Variants in TBC1D2B observed in about 807,000 individuals in gnomAD.
The protein encoded by TBC1D2B is TBC1 domain family member 2B, also known as TBC1 domain family, member 2B.
A neutral mutation model predicts 100.8 loss-of-function variants in TBC1D2B; 64 were observed. The observed-to-expected ratio is 0.64, with a 90% CI of 0.52 to 0.78. The LOEUF is 0.78. Ranked by LOEUF, TBC1D2B falls within the 30% of genes least tolerant of loss-of-function variation. The probability of loss-of-function intolerance (pLI) is 0.00; values close to 1 mark genes in which losing one functional copy is unlikely to be tolerated. For synonymous variants in TBC1D2B, 480 were observed against 479.7 expected, an observed-to-expected ratio of 1.00 and a Z score of -0.01; for missense variants, 1,052 against 1,218.4, an observed-to-expected ratio of 0.86 and a Z score of 2.03.
chr15:78,063,742 A>G (rs1392036841), intron 1 of TBC1D2B, among the ~76,000 whole-genome samples: 1 of 152,210 alleles, frequency 6.6e-6, no homozygotes, highest in Non-Finnish European at 1.5e-5. Context: ...TGGAGAGGAC[A>G]GAAACTTCTC....
chr15:78,009,227 C>T (rs1365029656), intron 9 of TBC1D2B, 113 bp from the exon 10 acceptor site: 1 of 692,118 alleles, frequency 1.4e-6, no homozygotes, highest in Non-Finnish European at 2.5e-6. Flanking sequence ...AAAATTATTT[C>T]TAGTTCTCCA....
At chr15:78,029,935 G>T in intron 4 of TBC1D2B, 72 bp downstream of exon 4, 1 of 1,269,738 alleles carries the variant, frequency 7.9e-7, no homozygotes, top group Middle Eastern at 2.0e-4. Flanking sequence ...TGCTAATAAT[G>T]TGTCTCCACA....
At chr15:78,077,237 G>T (rs977632020) in intron 1 of TBC1D2B, 56 bp downstream of exon 1, 2 of 1,403,442 alleles carry the variant, frequency 1.4e-6, no homozygotes, top group African/African-American at 1.5e-5. Flanking sequence ...AGCCAGTGGC[G>T]GAGGCAGGGG....
rs113518553 is a variant in TBC1D2B, at chr15:78,077,617, G to A, written c.36C>T (p.Gly12=). 9.8e-7 allele frequency: 1 copy of A among 1,021,880 alleles called. No individual in the cohort carries two copies. The highest frequency in any genetic ancestry group is 1.2e-6 in the Non-Finnish European group (1 of 857,200). The allele number at this position is 1,021,880 out of a possible 1,614,324, so 63.3% of individuals were successfully genotyped here. The change falls in exon 1 of 13, where the codon GGC becomes GGT. Residue 12 remains glycine (G), a synonymous_variant. Transcript: ENST00000300584. ...CCTGCGCCGCGCCCTCGCCGCCGCC[G>A]CCGCCCTCCTCCGCCCGGGCTCCGG... ...PGAGARAEEG[G]GGGEGAAQGA...
At chr15:78,039,968 A>G (rs2073037107) in intron 3 of TBC1D2B, among the ~76,000 whole-genome samples, 1 of 152,242 alleles carries the variant, frequency 6.6e-6, no homozygotes, top group Non-Finnish European at 1.5e-5. Context: ...CATCAGGCCC[A>G]GCCTAGCACC....
chr15:77,998,172 C>T lies in TBC1D2B; in HGVS notation c.2880G>A (p.Glu960=). ...ATCCCGAGCCCACTCAGGTATCCTCCTCCTCGTCACTGACCAGCTCACCCT... is the reference window on the plus strand; with the variant it reads ...ATCCCGAGCCCACTCAGGTATCCTCTTCCTCGTCACTGACCAGCTCACCCT... ...PDKGELVSDE[E]EDT The change falls in exon 13 of 13, where the codon GAG becomes GAA. Residue 960 remains glutamate (E), a synonymous_variant. Coordinates refer to ENST00000300584, the MANE Select transcript of TBC1D2B (RefSeq NM_144572.2). 6.5e-7 allele frequency: 1 copy of T among 1,539,672 alleles called. No homozygotes were observed. The highest frequency in any genetic ancestry group is 8.8e-7 in the Non-Finnish European group (1 of 1,139,952).
At chr15:78,034,826 A>G (rs528035161) in intron 3 of TBC1D2B, 2 of 804,656 alleles carry the variant, frequency 2.5e-6, no homozygotes, top group South Asian at 1.1e-4. Context: ...TTTTGCTCTT[A>G]TGTGGCAAAA....
chr15:78,012,937 G>A lies in TBC1D2B; in HGVS notation c.2156C>T (p.Pro719Leu). The A allele has an allele frequency of 6.4e-7, 1 of 1,557,170 alleles. No individual in the cohort carries two copies. The highest frequency in any genetic ancestry group is 8.7e-7 in the Non-Finnish European group (1 of 1,149,088). ...GGGGCAGGAGTAATGTTTGTTGTTG[G>A]GCAGAGTTCGCAGCAAGTCCAGCTC... ...QIELDLLRTL[P>L]NNKHYSCPTS... is the part of the protein sequence containing the mutation. Residue 719 changes from proline to leucine, a missense_variant, in exon 9 of 13, where the codon CCC becomes CTC. Physicochemically the swap from Pro to Leu is moderately conservative, Grantham distance 98. Transcript: ENST00000300584.
intron 4 of TBC1D2B, among the ~76,000 whole-genome samples, chr15:78,027,885 C>A (rs950364058): frequency 1.2e-4 from 18 of 152,278 alleles, no homozygotes; most frequent in African/African-American, 3.8e-4. Flanking sequence ...TTAGGTAATT[C>A]AGCACATTCA....
At chr15:78,054,868 C>T (rs917627052) in intron 1 of TBC1D2B, among the ~76,000 whole-genome samples, 2 of 152,090 alleles carry the variant, frequency 1.3e-5, no homozygotes, top group Non-Finnish European at 2.9e-5. Flanking sequence ...AACATATTCA[C>T]ACAAAGACCT....
chr15:78,015,242 A>C (rs1210334357), intron 8 of TBC1D2B, among the ~76,000 whole-genome samples: 1 of 152,086 alleles, frequency 6.6e-6, no homozygotes, highest in East Asian at 1.9e-4. Flanking sequence ...AAAATAAAAT[A>C]AAATATTCCA....
chr15:78,059,347 T>C (rs2141821618), intron 1 of TBC1D2B, among the ~76,000 whole-genome samples: 1 of 152,366 alleles, frequency 6.6e-6, no homozygotes, highest in African/African-American at 2.4e-5. Flanking sequence ...TGTTCAATTG[T>C]TGCTACTTCC....
At chr15:78,059,226 T>TA (rs999878073) in intron 1 of TBC1D2B, among the ~76,000 whole-genome samples, 3 of 152,358 alleles carry the variant, frequency 2.0e-5, no homozygotes, top group African/African-American at 7.2e-5. Flanking sequence ...TGTTCCTCAC[T>TA]AACCCAAGTT....
At position 77,996,958 on chromosome 15, in the gene TBC1D2B, CCT is replaced by C. The variant is rs1180061395; in HGVS notation, c.*1200_*1201del. ...TCTCCCCAGCCTTCAGAAAGGCAGT[CCT>C]CTGAGTTCCCAGAAACTGCTGTGTC... is the stretch of plus-strand genomic sequence containing the variant. On this transcript the variant is annotated 3_prime_UTR_variant, in exon 13 of 13. Coordinates refer to ENST00000300584, the MANE Select transcript of TBC1D2B (RefSeq NM_144572.2). 2.0e-5 allele frequency: 3 copies of C among 152,270 alleles called. No homozygotes were observed. Among genetic ancestry groups the C allele is most frequent in the Non-Finnish European group, 4.4e-5 (3 of 68,066 alleles). 9.4% of individuals were successfully genotyped at this position (152,270 alleles called of 1,614,324 possible).
intron 11 of TBC1D2B, 58 bp downstream of exon 11, chr15:78,003,247 C>T (rs765436769): frequency 1.4e-5 from 21 of 1,531,340 alleles, no homozygotes; most frequent in Middle Eastern, 1.7e-4. Context: ...CCGCCACCAA[C>T]GCTGCTGACG....
chr15:78,011,644 G>GT lies in TBC1D2B; in HGVS notation c.2270+1178_2270+1179insA, dbSNP rs773624522. ...TGCCACCATGCCCAGCTAATTTTTT[G>GT]GTTTTTTTTTTTTTTTTTTTTTTAG... On this transcript the variant is annotated intron_variant, in intron 9 of 12. Transcript: ENST00000300584. Among the ~76,000 whole-genome samples the GT allele has an allele frequency of 1.9e-4, 24 of 127,534 alleles. 1 individual carries two copies. The highest frequency in any genetic ancestry group is 3.9e-4 in the African/African-American group (13 of 33,176). The allele number at this position is 127,534 out of a possible 152,430, so 83.7% of individuals were successfully genotyped here. A position where few individuals can be genotyped will look rare whatever the true frequency, so the allele number is the denominator to read the frequency against.
At chr15:78,053,492 G>T (rs1208085635) in intron 2 of TBC1D2B, among the ~76,000 whole-genome samples, 1 of 152,172 alleles carries the variant, frequency 6.6e-6, no homozygotes, top group Non-Finnish European at 1.5e-5. Flanking sequence ...TTGTTGTTCT[G>T]TTCTTTCTAG....
At chr15:78,057,668 C>G (rs2073455307) in intron 1 of TBC1D2B, among the ~76,000 whole-genome samples, 1 of 152,112 alleles carries the variant, frequency 6.6e-6, no homozygotes, top group Non-Finnish European at 1.5e-5. Flanking sequence ...ATCTAGAGAT[C>G]ACTAGAAGAC....
Position 78,012,818 on chromosome 15 carries a change from C to A in TBC1D2B, c.2270+5G>T. 1.3e-6 allele frequency: 2 copies of A among 1,494,756 alleles called. No homozygotes were observed. Among genetic ancestry groups the A allele is most frequent in the Non-Finnish European group, 1.8e-6 (2 of 1,122,422 alleles). 92.6% of individuals were successfully genotyped at this position (1,494,756 alleles called of 1,614,324 possible). ...AAATGGGAACATTTTGTGCTGTGCA[C>A]CCACCTGTTTAGGCCTTGACAGTAG... On this transcript the variant is annotated splice_donor_5th_base_variant and intron_variant, in intron 9 of 12. Transcript: ENST00000300584.
Sources: allele counts gnomAD v4.1 joint callset (sites outside exome capture counted in the v4.1 genomes callset), GRCh38; gene constraint gnomAD v4.1.1; transcripts MANE v1.5; gene names NCBI Gene and HGNC (gene_info 2026-07-23, HGNC 2026-07-21).